MYO3A: variants seen among roughly 807,000 people sequenced by gnomAD.
MYO3A encodes myosin IIIA.
In MYO3A, 180 loss-of-function variants were observed where a neutral mutation model predicts 192.7. The observed-to-expected ratio is 0.93, with a 90% confidence interval of 0.83 to 1.06. The LOEUF (loss-of-function observed/expected upper bound fraction) is 1.06, where lower values mean the gene tolerates loss of function less well. MYO3A is among the 50% of genes least tolerant of loss of function. MYO3A has a pLI of 0.00. For missense variants in MYO3A, 1,896 were observed against 1,905.0 expected (o/e 1.00, Z 0.09); for synonymous variants, 628 against 645.3 (o/e 0.97, Z 0.41).
intron 23 of MYO3A, among the ~76,000 whole-genome samples, chr10:26,151,036 C>T (rs1039668110): frequency 4.6e-5 from 7 of 152,004 alleles, no homozygotes; most frequent in African/African-American, 1.7e-4. Flanking sequence ...GTTCAGAGAG[C>T]GTACTTTGTG....
chr10:26,006,900 A>G (rs1447050172), intron 6 of MYO3A, among the ~76,000 whole-genome samples: 1 of 151,188 alleles, frequency 6.6e-6, no homozygotes, highest in Non-Finnish European at 1.5e-5. Context: ...CATCATCCTG[A>G]TACCAAAGCC....
rs1841198385 is a variant in MYO3A at position 26,157,342 on chromosome 10, G to A, written c.2826G>A (p.Val942=). The part of the protein sequence containing the change: ...YSLMDLLSKM[V]VGQPHFVRCI... Reference sequence around the variant, plus strand: ...TGATGGATTTGTTGTCTAAAATGGTGGTGGGCCAACCTCATTTTGTCCGTT... The same window carrying A: ...TGATGGATTTGTTGTCTAAAATGGTAGTGGGCCAACCTCATTTTGTCCGTT... Residue 942 remains valine, a synonymous_variant, in exon 26 of 35, where the codon GTG becomes GTA. Transcript: ENST00000642920. The A allele has an allele frequency of 2.5e-6, 4 of 1,613,926 alleles. No individual in the cohort carries two copies. The highest frequency in any genetic ancestry group is 2.2e-5 in the South Asian group (2 of 91,080).
chr10:26,010,525 G>A (rs184589710), intron 6 of MYO3A, among the ~76,000 whole-genome samples: 1,727 of 148,784 alleles, frequency 0.012, 40 homozygotes, highest in African/African-American at 0.038. Context: ...GCGCAGAGGC[G>A]CAATTTCGGC....
At chr10:26,103,843 G>A (rs184206857) in intron 17 of MYO3A, among the ~76,000 whole-genome samples, 71 of 152,178 alleles carry the variant, frequency 4.7e-4, no homozygotes, top group East Asian at 2.9e-3. Context: ...GCATGTCTTC[G>A]TCAACACTTA....
intron 26 of MYO3A, among the ~76,000 whole-genome samples, chr10:26,163,791 G>A (rs1841595359): frequency 6.6e-6 from 1 of 152,206 alleles, no homozygotes; most frequent in African/African-American, 2.4e-5. Flanking sequence ...ACCACATACA[G>A]GAATAGTTGG....
chr10:26,113,418 C>T (rs556349175), intron 17 of MYO3A, among the ~76,000 whole-genome samples: 175 of 149,744 alleles, frequency 1.2e-3, no homozygotes, highest in Admixed American at 2.9e-3. Flanking sequence ...TGCAGTGAGC[C>T]GAGATTGTGC....
At chr10:25,995,231 A>C (rs1197755059) in intron 4 of MYO3A, among the ~76,000 whole-genome samples, 1 of 151,518 alleles carries the variant, frequency 6.6e-6, no homozygotes, top group Non-Finnish European at 1.5e-5. Flanking sequence ...TTTTCTCTAA[A>C]CTTTTCGCTT....
At chr10:26,189,790 G>C (rs114583495) in intron 31 of MYO3A, among the ~76,000 whole-genome samples, 3,043 of 152,292 alleles carry the variant, frequency 0.02, 96 homozygotes, top group African/African-American at 0.069. Flanking sequence ...TCTGGGCCAG[G>C]TGTGGTGGCT....
At chr10:26,045,076 G>A (rs1220181240) in intron 10 of MYO3A, among the ~76,000 whole-genome samples, 1 of 152,178 alleles carries the variant, frequency 6.6e-6, no homozygotes, top group East Asian at 1.9e-4. Flanking sequence ...AGCCTGGCCA[G>A]CAAGGACTCC....
At chr10:26,164,949 C>T (rs1841666708) in intron 26 of MYO3A, among the ~76,000 whole-genome samples, 1 of 152,124 alleles carries the variant, frequency 6.6e-6, no homozygotes, top group Non-Finnish European at 1.5e-5. Context: ...AGTGAGCAGG[C>T]CTAGTGGCTA....
chr10:26,012,488 A>G (rs1408340415), intron 6 of MYO3A, among the ~76,000 whole-genome samples: 4 of 152,152 alleles, frequency 2.6e-5, no homozygotes, highest in Non-Finnish European at 4.4e-5. Context: ...ATCCTTTTAC[A>G]ATAGCTGCAA....
At chr10:25,940,126 C>A (rs1397730217) in intron 2 of MYO3A, among the ~76,000 whole-genome samples, 1 of 152,018 alleles carries the variant, frequency 6.6e-6, no homozygotes, top group Non-Finnish European at 1.5e-5. Flanking sequence ...CCTGTAGTTA[C>A]CAATTTCTGT....
intron 12 of MYO3A, among the ~76,000 whole-genome samples, chr10:26,069,188 T>C (rs1473511810): frequency 6.6e-6 from 1 of 151,262 alleles, no homozygotes; most frequent in Non-Finnish European, 1.5e-5. Flanking sequence ...TAAATCTGCT[T>C]AAAAAGGTAT....
chr10:26,075,945 C>G (rs1423142441), intron 14 of MYO3A, among the ~76,000 whole-genome samples: 1 of 151,550 alleles, frequency 6.6e-6, no homozygotes, highest in Non-Finnish European at 1.5e-5. Context: ...GTAAATTGTG[C>G]TGCTATAAAC....
At chr10:26,159,658 C>A (rs987477133) in intron 26 of MYO3A, among the ~76,000 whole-genome samples, 1 of 152,184 alleles carries the variant, frequency 6.6e-6, no homozygotes, top group Non-Finnish European at 1.5e-5. Context: ...GGATTACAGG[C>A]GTGAGCCACT....
At chr10:26,148,577 C>G (rs7079780) in intron 23 of MYO3A, among the ~76,000 whole-genome samples, 1 of 151,944 alleles carries the variant, frequency 6.6e-6, no homozygotes, top group African/African-American at 2.4e-5. Flanking sequence ...AACTATAGAT[C>G]AATAATGGGA....
At chr10:26,209,568 T>G (rs2132245698) in intron 34 of MYO3A, among the ~76,000 whole-genome samples, 1 of 152,324 alleles carries the variant, frequency 6.6e-6, no homozygotes, top group African/African-American at 2.4e-5. Flanking sequence ...AACAGTGACC[T>G]CCGTTTTGCC....
Position 26,143,531 on chromosome 10 carries a change from G to A in MYO3A, c.2346G>A (p.Lys782=), listed in dbSNP as rs776589417. ...NWPLLDMFLQ[K]PMGLLSLLDE... is the part of the protein sequence containing the mutation. ...CCCTCTTAGATATGTTTCTGCAAAA[G>A]CCAATGGGTTTACTTTCCCTACTTG... The change falls in exon 21 of 35, where the codon AAG becomes AAA. Residue 782 remains lysine (K), a synonymous_variant. Coordinates refer to ENST00000642920, the MANE Select transcript of MYO3A (RefSeq NM_017433.5). 1.2e-6 allele frequency: 2 copies of A among 1,614,014 alleles called. No individual in the cohort carries two copies. Among genetic ancestry groups the A allele is most frequent in the South Asian group, 1.1e-5 (1 of 91,082 alleles).
chr10:26,050,859 A>T (rs1843954605), intron 10 of MYO3A, among the ~76,000 whole-genome samples: 1 of 152,192 alleles, frequency 6.6e-6, no homozygotes, highest in African/African-American at 2.4e-5. Flanking sequence ...ATGTTGCTTA[A>T]AATTTGCTAA....
Sources: gnomAD v4.1 joint callset for allele counts (sites outside exome capture counted in the v4.1 genomes callset) on GRCh38, gnomAD v4.1.1 for gene constraint, MANE v1.5 for transcripts, NCBI Gene and HGNC (gene_info 2026-07-23, HGNC 2026-07-21) for gene names.